The following ABLIM1 variants were observed in gnomAD, a reference collection of about 807,000 sequenced individuals.
ABLIM1 encodes the protein actin-binding LIM protein 1.
A neutral mutation model predicts 107.0 loss-of-function variants in ABLIM1; 40 were observed. That is an observed-to-expected ratio of 0.37 (90% CI 0.29 to 0.49). ABLIM1 has a LOEUF of 0.49. Among genes scored for constraint, ABLIM1 ranks in the 20% least tolerant of loss-of-function variants. ABLIM1 has a pLI of 0.97. For synonymous variants in ABLIM1, 357 were observed against 357.3 expected (o/e 1.00, Z 0.01); for missense variants, 857 against 1,008.5 (o/e 0.85, Z 2.04).
At chr10:114,712,513 G>A (rs2081575871) in intron 1 of ABLIM1, among the ~76,000 whole-genome samples, 1 of 152,030 alleles carries the variant, frequency 6.6e-6, no homozygotes, top group South Asian at 2.1e-4. Context: ...AAAGACAACA[G>A]CCTATTATGG....
At chr10:114,730,433 A>G (rs1208330666) in intron 1 of ABLIM1, among the ~76,000 whole-genome samples, 6 of 150,770 alleles carry the variant, frequency 4.0e-5, no homozygotes, top group African/African-American at 1.5e-4. Context: ...TTCCACGTAG[A>G]GAAGGGCTGA....
At chr10:114,488,524 A>C (rs762192771) in intron 7 of ABLIM1, among the ~76,000 whole-genome samples, 18 of 152,260 alleles carry the variant, frequency 1.2e-4, no homozygotes, top group Non-Finnish European at 2.5e-4. Context: ...CCTACAGAGA[A>C]ATGAGAAACC....
chr10:114,466,001 T>G (rs1218723401), intron 11 of ABLIM1, among the ~76,000 whole-genome samples, 174 bp from the exon 12 acceptor site: 1 of 152,250 alleles, frequency 6.6e-6, no homozygotes, highest in Non-Finnish European at 1.5e-5. Context: ...AAGCATTCTG[T>G]GGCTAATATA....
chr10:114,462,574 A>C (rs529814892), intron 12 of ABLIM1, among the ~76,000 whole-genome samples: 1 of 152,284 alleles, frequency 6.6e-6, no homozygotes, highest in Non-Finnish European at 1.5e-5. Context: ...GTTGCCATAG[A>C]TCTTTTAATG....
At chr10:114,479,179 A>G (rs951334932) in intron 8 of ABLIM1, among the ~76,000 whole-genome samples, 1 of 152,216 alleles carries the variant, frequency 6.6e-6, no homozygotes, top group Admixed American at 6.5e-5. Context: ...GGGTTAAATG[A>G]GAGGATGCAT....
chr10:114,641,486 A>G (rs1330004382), intron 1 of ABLIM1, among the ~76,000 whole-genome samples: 1 of 152,216 alleles, frequency 6.6e-6, no homozygotes. Context: ...AATAAACTAC[A>G]TGAGTAATGT....
intron 14 of ABLIM1, 57 bp from the exon 15 acceptor site, chr10:114,448,077 G>A: frequency 2.5e-6 from 4 of 1,604,822 alleles, no homozygotes; most frequent in Non-Finnish European, 3.4e-6. Flanking sequence ...GACAATGGCG[G>A]TACAACCCCA....
At position 114,442,963 on chromosome 10, in the gene ABLIM1, C is replaced by T. The variant is rs543644197; in HGVS notation, c.1933+1066G>A. The stretch of plus-strand genomic sequence containing the variant: ...ACGCCATTCTCCTGCCTCAGCCTCC[C>T]GAGTAGCCGGGACTGCAGGAGCCCG... On this transcript the variant is annotated intron_variant, in intron 17 of 22. Coordinates refer to ENST00000533213, the MANE Select transcript of ABLIM1 (RefSeq NM_002313.7). 1.7e-4 allele frequency among the ~76,000 whole-genome samples: 26 copies of T among 152,190 alleles called. No individual in the cohort carries two copies. The South Asian group carries it at 2.9e-3, about 17-fold the overall frequency.
intron 6 of ABLIM1, among the ~76,000 whole-genome samples, chr10:114,516,638 T>C (rs778875742): frequency 3.3e-5 from 5 of 152,208 alleles, no homozygotes; most frequent in Non-Finnish European, 5.9e-5. Context: ...CAGCCACAAT[T>C]CTTTATTTTT....
At chr10:114,600,704 C>T (rs1201358822) in intron 2 of ABLIM1, among the ~76,000 whole-genome samples, 1 of 152,100 alleles carries the variant, frequency 6.6e-6, no homozygotes, top group Non-Finnish European at 1.5e-5. Context: ...TTACCCCGTG[C>T]AGGGCACAGA....
At position 114,657,751 on chromosome 10, in the gene ABLIM1, T is replaced by A. The variant is rs145104679; in HGVS notation, c.244+206A>T. Among the ~76,000 whole-genome samples, 671 of 152,344 alleles carry A rather than the reference T, an allele frequency of 4.4e-3. 7 individuals are homozygous for A. Among genetic ancestry groups the A allele is most frequent in the African/African-American group, 0.015 (629 of 41,586 alleles). ...TTTGTTACTGAAGATCATAAAATCC[T>A]GGACAAAAATATCCTTGGGATTTAG... On this transcript the variant is annotated intron_variant, in intron 1 of 22. Transcript: ENST00000533213.
At chr10:114,655,610 A>G (rs568604102) in intron 1 of ABLIM1, among the ~76,000 whole-genome samples, 1 of 152,318 alleles carries the variant, frequency 6.6e-6, no homozygotes, top group Admixed American at 6.5e-5. Flanking sequence ...TTTTTCCTCA[A>G]TAAAGGGATT....
At chr10:114,491,634 A>G (rs1300411001) in intron 7 of ABLIM1, among the ~76,000 whole-genome samples, 157 bp downstream of exon 7, 1 of 152,124 alleles carries the variant, frequency 6.6e-6, no homozygotes, top group African/African-American at 2.4e-5. Context: ...GCTGATTAAT[A>G]CTAACTGATG....
At chr10:114,718,789 T>C (rs1274073077) in intron 1 of ABLIM1, among the ~76,000 whole-genome samples, 2 of 152,228 alleles carry the variant, frequency 1.3e-5, no homozygotes, top group Non-Finnish European at 2.9e-5. Flanking sequence ...ATTAATTTAA[T>C]ATAAATTCCA....
chr10:114,590,218 A>G (rs1417355813), intron 2 of ABLIM1, among the ~76,000 whole-genome samples: 2 of 152,148 alleles, frequency 1.3e-5, no homozygotes, highest in South Asian at 2.1e-4. Context: ...GGTAGACTCT[A>G]TGATGTTCAC....
chr10:114,434,216 G>A lies in ABLIM1; in HGVS notation c.*2044C>T, dbSNP rs1370802475. ...TGCAGTGTGGCTTCCAACCAAGCAA[G>A]AGCTGGTCTCATCTGCTCATGGCCA... On this transcript the variant is annotated 3_prime_UTR_variant, in exon 23 of 23. Coordinates refer to ENST00000533213, the MANE Select transcript of ABLIM1 (RefSeq NM_002313.7). The A allele has an allele frequency of 6.6e-6, 1 of 151,870 alleles. No individual in the cohort carries two copies. Among genetic ancestry groups the A allele is most frequent in the African/African-American group, 2.4e-5 (1 of 41,260 alleles). 9.4% of individuals were successfully genotyped at this position (151,870 alleles called of 1,614,324 possible).
At chr10:114,548,092 T>A (rs187134819) in intron 4 of ABLIM1, among the ~76,000 whole-genome samples, 1 of 152,318 alleles carries the variant, frequency 6.6e-6, no homozygotes, top group East Asian at 1.9e-4. Flanking sequence ...AATATTTAAT[T>A]ATAGTGTCTT....
At chr10:114,636,312 G>T (rs916639884) in intron 1 of ABLIM1, among the ~76,000 whole-genome samples, 3 of 152,198 alleles carry the variant, frequency 2.0e-5, no homozygotes. Context: ...ACAGGTGACA[G>T]AGGGCCCTCA....
chr10:114,638,449 T>C (rs1392465373), intron 1 of ABLIM1, among the ~76,000 whole-genome samples: 3 of 152,222 alleles, frequency 2.0e-5, no homozygotes, highest in African/African-American at 7.2e-5. Flanking sequence ...TTCTAGTCTC[T>C]ACATGTATCA....
Sources: gnomAD v4.1 joint callset for allele counts (sites outside exome capture counted in the v4.1 genomes callset) on GRCh38, gnomAD v4.1.1 for gene constraint, MANE v1.5 for transcripts, NCBI Gene and HGNC (gene_info 2026-07-23, HGNC 2026-07-21) for gene names.